Variants in POU1F1 observed in about 807,000 individuals in gnomAD.
The protein encoded by POU1F1 is POU class 1 homeobox 1.
A neutral mutation model predicts 32.3 loss-of-function variants in POU1F1; 23 were observed. The observed-to-expected ratio is 0.71, with a 90% confidence interval of 0.51 to 1.01. The LOEUF (loss-of-function observed/expected upper bound fraction) is 1.01. POU1F1 is among the 50% of genes least tolerant of loss of function. POU1F1 has a pLI of 0.00. For synonymous variants in POU1F1, 120 were observed against 115.6 expected (o/e 1.04, Z -0.25); for missense variants, 323 against 341.6 (o/e 0.95, Z 0.43).
rs1241645605 is a variant in POU1F1, at chr3:87,276,393, G to T, written c.70C>A (p.Pro24Thr). 6.2e-7 allele frequency: 1 copy of T among 1,613,860 alleles called. No individual in the cohort carries two copies. The highest frequency in any genetic ancestry group is 8.5e-7 in the Non-Finnish European group (1 of 1,179,916). ...GCAGCACTGTGATGCATTATCAGAG[G>T]CAGAGTTGCAGAGGCGTCAGAATTC... is the stretch of plus-strand genomic sequence containing the variant. ...PLNSDASATL[P>T]LIMHHSAAEC... The change falls in exon 1 of 6, where the codon CCT (proline) becomes ACT (threonine). Residue 24 changes from proline to threonine, a missense_variant. Pro to Thr is a conservative substitution (Grantham distance 38, BLOSUM62 -1). Transcript: ENST00000350375.
chr3:87,269,198 A>G (rs1447687701), intron 2 of POU1F1, among the ~76,000 whole-genome samples: 6 of 152,152 alleles, frequency 3.9e-5, no homozygotes, highest in African/African-American at 1.2e-4. Flanking sequence ...GCATTGGTAA[A>G]TCCTATCCGT....
At position 87,271,247 on chromosome 3, in the gene POU1F1, G is replaced by A. The variant is rs576532000; in HGVS notation, c.214+2100C>T. Among the ~76,000 whole-genome samples the A allele has an allele frequency of 1.1e-4, 16 of 152,222 alleles. No individual in the cohort carries two copies. The South Asian group carries it at 2.7e-3, about 26-fold the overall frequency. ...AACTTGTATCAGAAAGACATGAGCT[G>A]CCAACACTCTCAATGTGAACATTGG... is the stretch of plus-strand genomic sequence containing the variant. On this transcript the variant is annotated intron_variant, in intron 2 of 5. Transcript: ENST00000350375.
chr3:87,263,440 TA>T (rs1424505744), intron 3 of POU1F1, among the ~76,000 whole-genome samples: 3 of 152,134 alleles, frequency 2.0e-5, no homozygotes, highest in African/African-American at 7.2e-5. Context: ...AAGGAGAAAA[TA>T]AAAAGAAATA....
At position 87,276,338 on chromosome 3, in the gene POU1F1, G is replaced by T; in HGVS notation, c.125C>A (p.Thr42Asn). 6.2e-7 allele frequency: 1 copy of T among 1,613,976 alleles called. No homozygotes were observed. The highest frequency in any genetic ancestry group is 1.3e-5 in the African/African-American group (1 of 75,016). The change falls in exon 1 of 6, where the codon ACC becomes AAC. Residue 42 changes from threonine (T) to asparagine (N), a missense_variant. Physicochemically the swap from Thr to Asn is moderately conservative, Grantham distance 65. Transcript: ENST00000350375. Reference sequence around the variant, plus strand: ...GTCAGTACCTGTAGACATCACATTGGTGGCATGGTTGGAGACTGGTAGACA... The same window carrying T: ...GTCAGTACCTGTAGACATCACATTGTTGGCATGGTTGGAGACTGGTAGACA... The part of the protein sequence containing the change: ...AECLPVSNHA[T>N]NVMSTATGLH...
rs143047664 is a variant in POU1F1, at chr3:87,267,009, G to C, written c.215-2497C>G. Reference sequence around the variant, plus strand: ...AAAAGCCAGGCTACTGTTAGATTTTGTACATTTAACATATTTTAAGACACT... The same window carrying C: ...AAAAGCCAGGCTACTGTTAGATTTTCTACATTTAACATATTTTAAGACACT... On this transcript the variant is annotated intron_variant, in intron 2 of 5. Coordinates refer to ENST00000350375, the MANE Select transcript of POU1F1 (RefSeq NM_000306.4). Among the ~76,000 whole-genome samples the C allele has an allele frequency of 1.9e-3, 295 of 152,110 alleles. 5 individuals are homozygous for C. Among genetic ancestry groups the C allele is most frequent in the African/African-American group, 6.6e-3 (275 of 41,540 alleles).
intron 2 of POU1F1, among the ~76,000 whole-genome samples, chr3:87,271,640 C>T (rs1706726545): frequency 1.3e-5 from 2 of 152,158 alleles, no homozygotes; most frequent in South Asian, 4.1e-4. Context: ...AAGCAATCCA[C>T]CCGCACCTCC....
intron 2 of POU1F1, among the ~76,000 whole-genome samples, chr3:87,269,895 C>T (rs1029240512): frequency 6.6e-6 from 1 of 152,116 alleles, no homozygotes; most frequent in Admixed American, 6.6e-5. Flanking sequence ...ACATTTATTA[C>T]AGTGAGGTTG....
chr3:87,269,094 T>C (rs1706678846), intron 2 of POU1F1, among the ~76,000 whole-genome samples: 1 of 152,156 alleles, frequency 6.6e-6, no homozygotes, highest in Admixed American at 6.5e-5. Context: ...CACAGGAACA[T>C]GTATCTGAAT....
chr3:87,259,755 A>T lies in POU1F1; in HGVS notation c.*139T>A, dbSNP rs4988463. The stretch of plus-strand genomic sequence containing the variant: ...TTTAAATTGTTGGTTTCTTTTTTTT[A>T]AAAAAAAGTGGAAAAGTAAAGCTTC... On this transcript the variant is annotated 3_prime_UTR_variant, in exon 6 of 6. Coordinates refer to ENST00000350375, the MANE Select transcript of POU1F1 (RefSeq NM_000306.4). The T allele has an allele frequency of 0.13, 86,504 of 687,338 alleles. 5,867 individuals are homozygous for T. The highest frequency in any genetic ancestry group is 0.2 in the East Asian group (6,968 of 35,726). The allele number at this position is 687,338 out of a possible 1,614,324, so 42.6% of individuals were successfully genotyped here. A position where few individuals can be genotyped will look rare whatever the true frequency, so the allele number is the denominator to read the frequency against.
intron 2 of POU1F1, among the ~76,000 whole-genome samples, chr3:87,268,801 T>C (rs911623005): frequency 2.0e-5 from 3 of 152,288 alleles, no homozygotes; most frequent in African/African-American, 7.2e-5. Context: ...ACATTGAAGA[T>C]TAATTCACCA....
chr3:87,276,311 G>T lies in POU1F1; in HGVS notation c.142+10C>A. 1.2e-6 allele frequency: 2 copies of T among 1,613,236 alleles called. No individual in the cohort carries two copies. Among genetic ancestry groups the T allele is most frequent in the Non-Finnish European group, 1.7e-6 (2 of 1,179,250 alleles). ...CCCGGTCATATGTAAACTGTCATAG[G>T]AGTCAGTACCTGTAGACATCACATT... is the stretch of plus-strand genomic sequence containing the variant. On this transcript the variant is annotated intron_variant, in intron 1 of 5. Transcript: ENST00000350375.
chr3:87,260,905 T>A (rs1165925706), intron 5 of POU1F1, among the ~76,000 whole-genome samples: 1 of 147,964 alleles, frequency 6.8e-6, no homozygotes, highest in African/African-American at 2.5e-5. Context: ...TATTTATTTA[T>A]TTATTTATTT....
In POU1F1 at chr3:87,264,462, C is replaced by G. The variant is rs774401165; in HGVS notation, c.265G>C (p.Gly89Arg). Residue 89 changes from glycine to arginine, a missense_variant, in exon 3 of 6, where the codon GGA becomes CGA. Gly to Arg is a moderately radical substitution (Grantham distance 125). Coordinates refer to ENST00000350375, the MANE Select transcript of POU1F1 (RefSeq NM_000306.4). ...YKFPDHTLSHGFPPIHQPLLA... is the reference protein window; with the variant it reads ...YKFPDHTLSHRFPPIHQPLLA... ...AGAGGCTGGTGTATAGGAGGAAATC[C>G]ATGACTCAAGGTGTGGTCAGGAAAT... is the stretch of plus-strand genomic sequence containing the variant. The G allele has an allele frequency of 1.2e-6, 2 of 1,613,362 alleles. No individual in the cohort carries two copies. Among genetic ancestry groups the G allele is most frequent in the Non-Finnish European group, 1.7e-6 (2 of 1,179,468 alleles).
In POU1F1 at chr3:87,259,607, G is replaced by A. The variant is rs979269288; in HGVS notation, c.*287C>T. 10 of 384,036 alleles carry A rather than the reference G, an allele frequency of 2.6e-5. No homozygotes were observed. Among genetic ancestry groups the A allele is most frequent in the East Asian group, 2.4e-4 (4 of 16,566 alleles). 23.8% of individuals were successfully genotyped at this position (384,036 alleles called of 1,614,324 possible). The stretch of plus-strand genomic sequence containing the variant: ...TATAAACCCATACTCATATGTCTGC[G>A]TGTGTGTGAGAAAGAGAGCGGGAGA... On this transcript the variant is annotated 3_prime_UTR_variant, in exon 6 of 6. Transcript: ENST00000350375.
intron 4 of POU1F1, 63 bp from the exon 5 acceptor site, chr3:87,261,396 G>C (rs1305707125): frequency 1.6e-6 from 2 of 1,256,064 alleles, no homozygotes; most frequent in Non-Finnish European, 2.2e-6. Flanking sequence ...AAAACGATCT[G>C]ATTTGGATTT....
Position 87,259,667 on chromosome 3 carries a change from TG to T in POU1F1, c.*226del. On this transcript the variant is annotated 3_prime_UTR_variant, in exon 6 of 6. Coordinates refer to ENST00000350375, the MANE Select transcript of POU1F1 (RefSeq NM_000306.4). Reference sequence around the variant, plus strand: ...ATCATTTTATTACTGTTAATATATTTGGCTTAAAATAGATAATGTGGCTTCT... The same window carrying T: ...ATCATTTTATTACTGTTAATATATTTGCTTAAAATAGATAATGTGGCTTCT... The T allele has an allele frequency of 1.9e-6, 1 of 518,000 alleles. No individual in the cohort carries two copies. The highest frequency in any genetic ancestry group is 3.6e-5 in the East Asian group (1 of 28,014). The allele number at this position is 518,000 out of a possible 1,614,324, so 32.1% of individuals were successfully genotyped here.
At position 87,262,241 on chromosome 3, in the gene POU1F1, A is replaced by G; in HGVS notation, c.440-6T>C. The G allele has an allele frequency of 6.2e-7, 1 of 1,613,930 alleles. No homozygotes were observed. Among genetic ancestry groups the G allele is most frequent in the Non-Finnish European group, 8.5e-7 (1 of 1,179,866 alleles). ...AACATTTGTCTGGGTGTATCCTGTG[A>G]AGGGACAATAAAGACCATCAGCTCC... On this transcript the variant is annotated splice_polypyrimidine_tract_variant and splice_region_variant and intron_variant, in intron 3 of 5. Coordinates refer to ENST00000350375, the MANE Select transcript of POU1F1 (RefSeq NM_000306.4).
chr3:87,267,412 A>C (rs1706639874), intron 2 of POU1F1, among the ~76,000 whole-genome samples: 1 of 152,210 alleles, frequency 6.6e-6, no homozygotes, highest in Non-Finnish European at 1.5e-5. Flanking sequence ...AAGCCACATC[A>C]AAATCATTGC....
At chr3:87,267,289 T>C (rs1220064381) in intron 2 of POU1F1, among the ~76,000 whole-genome samples, 3 of 152,136 alleles carry the variant, frequency 2.0e-5, no homozygotes, top group African/African-American at 7.2e-5. Context: ...TTTTTCCCCA[T>C]AATTTACAAT....
Sources: gnomAD v4.1 joint callset for allele counts (sites outside exome capture counted in the v4.1 genomes callset) on GRCh38, gnomAD v4.1.1 for gene constraint, MANE v1.5 for transcripts, NCBI Gene and HGNC (gene_info 2026-07-23, HGNC 2026-07-21) for gene names.